Variants in GPC4 observed in about 807,000 individuals in gnomAD.
GPC4 encodes glypican 4.
A neutral mutation model predicts 35.0 loss-of-function variants in GPC4; 10 were observed. The observed-to-expected ratio is 0.29, with a 90% CI of 0.18 to 0.48. GPC4 has a LOEUF of 0.48. Among genes scored for constraint, GPC4 ranks in the 20% least tolerant of loss-of-function variants. The pLI, the probability that GPC4 is intolerant of heterozygous loss-of-function variation, is 0.99. For synonymous variants in GPC4, 167 were observed against 170.2 expected (o/e 0.98, Z 0.15); for missense variants, 322 against 451.3 (o/e 0.71, Z 2.60).
In GPC4 at chrX:133,338,078, CTT is replaced by C. The variant is rs1239007741; in HGVS notation, c.319+1103_319+1104del. Among the ~76,000 whole-genome samples the C allele has an allele frequency of 2.7e-5, 3 of 110,182 alleles. No homozygotes were observed. The East Asian group carries it at 8.5e-4, about 31-fold the overall frequency. ...TGTGGTCTCACCTGGGAACCTAACA[CTT>C]ATTAAATTGGTTATAAGTTTGAAAT... On this transcript the variant is annotated intron_variant, in intron 2 of 8. Coordinates refer to ENST00000370828, the MANE Select transcript of GPC4 (RefSeq NM_001448.3).
At chrX:133,411,198 C>T (rs1490427116) in intron 1 of GPC4, among the ~76,000 whole-genome samples, 1 of 112,039 alleles carries the variant, frequency 8.9e-6, no homozygotes, top group African/African-American at 3.2e-5. Flanking sequence ...AGGTGCATTG[C>T]TCATGAACAC....
At chrX:133,313,712 C>A (rs1399128589) in intron 3 of GPC4, among the ~76,000 whole-genome samples, 1 of 111,846 alleles carries the variant, frequency 8.9e-6, no homozygotes, top group Non-Finnish European at 1.9e-5. Flanking sequence ...CAAGCCAAAG[C>A]CAAAGAGATT....
chrX:133,413,756 C>T (rs1339870485), intron 1 of GPC4, among the ~76,000 whole-genome samples: 2 of 112,192 alleles, frequency 1.8e-5, no homozygotes, highest in South Asian at 3.7e-4. Context: ...CGGGGCTGCG[C>T]GCAACAGTTG....
At chrX:133,410,932 T>C (rs111453657) in intron 1 of GPC4, among the ~76,000 whole-genome samples, 14 of 112,120 alleles carry the variant, frequency 1.2e-4, no homozygotes, top group East Asian at 5.6e-4. Context: ...CAGAGCCAAA[T>C]TGATGATTCC....
intron 1 of GPC4, among the ~76,000 whole-genome samples, chrX:133,385,232 G>A (rs12014514): frequency 0.014 from 1,593 of 111,431 alleles, 35 homozygotes; most frequent in African/African-American, 0.049. Flanking sequence ...TTGCAAACAG[G>A]GTGACTTGCA....
intron 1 of GPC4, chrX:133,414,511 G>C (rs2068829024): frequency 4.0e-6 from 3 of 752,188 alleles, no homozygotes; most frequent in Non-Finnish European, 4.7e-6. Context: ...GAATAATGCA[G>C]GGGGGAGAGG....
intron 3 of GPC4, among the ~76,000 whole-genome samples, chrX:133,318,952 T>C (rs762638265): frequency 9.8e-5 from 11 of 111,986 alleles, no homozygotes; most frequent in Non-Finnish European, 1.5e-4. Context: ...AACTATGAAG[T>C]GTCTTTCTCT....
intron 1 of GPC4, 44 bp downstream of exon 1, chrX:133,414,762 G>A (rs969892207): frequency 6.7e-6 from 8 of 1,190,260 alleles, no homozygotes; most frequent in African/African-American, 5.2e-5. Context: ...CTCCCTTCCC[G>A]AAGTGTCGGT....
chrX:133,332,754 T>C (rs960469692), intron 2 of GPC4, among the ~76,000 whole-genome samples: 2 of 112,238 alleles, frequency 1.8e-5, no homozygotes, highest in African/African-American at 6.5e-5. Flanking sequence ...GAGAATAGTG[T>C]AATCATTGTG....
At chrX:133,368,607 T>A (rs1339176658) in intron 1 of GPC4, among the ~76,000 whole-genome samples, 1 of 111,649 alleles carries the variant, frequency 9.0e-6, no homozygotes, top group Non-Finnish European at 1.9e-5. Context: ...CATCTAAGAA[T>A]ATAAAGAAAA....
intron 2 of GPC4, among the ~76,000 whole-genome samples, chrX:133,334,337 G>C (rs1282180411): frequency 2.7e-5 from 3 of 111,968 alleles, no homozygotes; most frequent in African/African-American, 9.7e-5. Flanking sequence ...GTTTACACTT[G>C]GCCCATGCAG....
In GPC4 at chrX:133,339,479, G is replaced by A; in HGVS notation, c.161-138C>T. 8.6e-6 allele frequency: 4 copies of A among 462,747 alleles called. No individual in the cohort carries two copies. The South Asian group carries it at 2.1e-4, about 25-fold the overall frequency. 38.1% of individuals were successfully genotyped at this position (462,747 alleles called of 1,213,427 possible). A position where few individuals can be genotyped will look rare whatever the true frequency, so the allele number is the denominator to read the frequency against. The stretch of plus-strand genomic sequence containing the variant: ...AACATGTGTATCTAACAAGTTCCAG[G>A]AAGTCTAAAAATATTCATTCCCTTT... On this transcript the variant is annotated intron_variant, in intron 1 of 8. Transcript: ENST00000370828.
intron 3 of GPC4, among the ~76,000 whole-genome samples, chrX:133,315,058 C>T (rs1378228980): frequency 9.2e-6 from 1 of 109,044 alleles, no homozygotes; most frequent in African/African-American, 3.3e-5. Flanking sequence ...CAGTATATGG[C>T]ACATGTTGAG....
intron 1 of GPC4, among the ~76,000 whole-genome samples, chrX:133,372,111 T>A (rs756122809): frequency 2.8e-5 from 3 of 108,759 alleles, no homozygotes; most frequent in Admixed American, 1.0e-4. Flanking sequence ...CAGGCACTTG[T>A]AATCCCAGCT....
intron 1 of GPC4, among the ~76,000 whole-genome samples, chrX:133,407,876 C>T (rs2124186203): frequency 8.9e-6 from 1 of 112,667 alleles, no homozygotes; most frequent in Admixed American, 9.4e-5. Flanking sequence ...TGATGTCTGG[C>T]ACACATTTAT....
chrX:133,407,778 G>A (rs1006020378), intron 1 of GPC4, among the ~76,000 whole-genome samples: 4 of 112,525 alleles, frequency 3.6e-5, no homozygotes, highest in Non-Finnish European at 7.5e-5. Flanking sequence ...TTTTGTGAAA[G>A]ATGCCTTTTT....
At chrX:133,410,707 A>G (rs1391571118) in intron 1 of GPC4, among the ~76,000 whole-genome samples, 1 of 112,099 alleles carries the variant, frequency 8.9e-6, no homozygotes, top group Non-Finnish European at 1.9e-5. Context: ...ATTGCATGCA[A>G]CCCAACGTGA....
chrX:133,378,563 G>A (rs1406601652), intron 1 of GPC4, among the ~76,000 whole-genome samples: 39 of 92,568 alleles, frequency 4.2e-4, no homozygotes, highest in Non-Finnish European at 6.7e-4. Context: ...GCGACAGTGC[G>A]AGACTCCATT....
chrX:133,327,312 G>A (rs1240235072), intron 2 of GPC4, among the ~76,000 whole-genome samples: 1 of 111,470 alleles, frequency 9.0e-6, no homozygotes, highest in Non-Finnish European at 1.9e-5. Flanking sequence ...GGGGTGGGGC[G>A]AGGTGCGGTG....
Sources: allele counts gnomAD v4.1 joint callset (sites outside exome capture counted in the v4.1 genomes callset), GRCh38; gene constraint gnomAD v4.1.1; transcripts MANE v1.5; gene names NCBI Gene and HGNC (gene_info 2026-07-23, HGNC 2026-07-21).